Variants in PTPRN2 observed in about 807,000 individuals in gnomAD.
PTPRN2 encodes protein tyrosine phosphatase receptor type N2, also known as receptor-type tyrosine-protein phosphatase N2.
PTPRN2 carries 74 observed loss-of-function variants against 118.8 expected under a neutral mutation model. That is an observed-to-expected ratio of 0.62 (90% CI 0.52 to 0.76). The LOEUF is 0.76. Among genes scored for constraint, PTPRN2 ranks in the 30% least tolerant of loss-of-function variants. The pLI is 0.00. For missense variants in PTPRN2, 1,481 were observed against 1,394.4 expected, an observed-to-expected ratio of 1.06 and a Z score of -0.99; for synonymous variants, 641 against 608.0, an observed-to-expected ratio of 1.05 and a Z score of -0.80.
intron 11 of PTPRN2, among the ~76,000 whole-genome samples, chr7:158,046,931 A>G (rs773611804): frequency 2.6e-5 from 4 of 152,160 alleles, no homozygotes; most frequent in Admixed American, 1.3e-4. Context: ...ATCCATGCTT[A>G]TTTTTAATTT....
At chr7:157,862,154 C>T (rs556049895) in intron 12 of PTPRN2, among the ~76,000 whole-genome samples, 3 of 152,380 alleles carry the variant, frequency 2.0e-5, no homozygotes, top group East Asian at 1.9e-4. Flanking sequence ...TCCTTCCTGT[C>T]GCAGGGACAT....
rs917348216 is a variant in PTPRN2, at chr7:157,690,829, G to T, written c.1789-7892C>A. ...GCCCGCAGGCGCCGGAGCTCTGCGCGGCCGCTCGGCCCAGCTCCGCGTGCT... is the reference window on the plus strand; with the variant it reads ...GCCCGCAGGCGCCGGAGCTCTGCGCTGCCGCTCGGCCCAGCTCCGCGTGCT... On this transcript the variant is annotated intron_variant, in intron 12 of 22. Coordinates refer to ENST00000389418, the MANE Select transcript of PTPRN2 (RefSeq NM_002847.5). This position sits in a 1 kb window ranked among gnomAD's most constrained non-coding sequence, Gnocchi z 7.1. Among the ~76,000 whole-genome samples the T allele has an allele frequency of 3.4e-5, 5 of 148,450 alleles. No homozygotes were observed. The highest frequency in any genetic ancestry group is 9.7e-5 in the African/African-American group (4 of 41,054).
chr7:158,154,179 A>G lies in PTPRN2; in HGVS notation c.910+12752T>C, dbSNP rs544493258. ...AACCCTAAAAGATTCACTGCCTTCC[A>G]GAAAAGGCAGCGTAACGCAGAGACA... is the stretch of plus-strand genomic sequence containing the variant. On this transcript the variant is annotated intron_variant, in intron 6 of 22. Coordinates refer to ENST00000389418, the MANE Select transcript of PTPRN2 (RefSeq NM_002847.5). Among the ~76,000 whole-genome samples, 6 of 152,216 alleles carry G rather than the reference A, an allele frequency of 3.9e-5. No homozygotes were observed. In the South Asian group the frequency reaches 1.2e-3, roughly 32 times the overall value.
At chr7:158,238,321 C>T (rs1795674848) in intron 3 of PTPRN2, among the ~76,000 whole-genome samples, 1 of 152,074 alleles carries the variant, frequency 6.6e-6, no homozygotes, top group Non-Finnish European at 1.5e-5. Context: ...TCCCTCCTGC[C>T]CTGGGCCAAG....
intron 11 of PTPRN2, among the ~76,000 whole-genome samples, chr7:158,065,027 T>A (rs1810648852): frequency 6.6e-6 from 1 of 152,246 alleles, no homozygotes; most frequent in South Asian, 2.1e-4. Context: ...GGCAGAAAGA[T>A]GGTGCTGCGC....
intron 12 of PTPRN2, among the ~76,000 whole-genome samples, chr7:157,737,063 C>G (rs1046779844): frequency 1.6e-4 from 25 of 152,236 alleles, no homozygotes; most frequent in Admixed American, 9.8e-4. Context: ...AGAAATCACA[C>G]CAGGCGTCTT....
At chr7:158,315,268 TGAAGGA>T (rs1802214225) in intron 3 of PTPRN2, among the ~76,000 whole-genome samples, 1 of 101,850 alleles carries the variant, frequency 9.8e-6, no homozygotes, top group African/African-American at 3.8e-5. Context: ...CGGGACCCCC[TGAAGGA>T]CAGAGGTGAA....
rs142244706 is a variant in PTPRN2, at chr7:158,093,417, C to T, written c.1644-12040G>A. Among the ~76,000 whole-genome samples, 9 of 152,260 alleles carry T rather than the reference C, an allele frequency of 5.9e-5. No homozygotes were observed. The highest frequency in any genetic ancestry group is 7.3e-5 in the Non-Finnish European group (5 of 68,036). ...TCCTTTCCTGACTCTGTCGCTGGAC[C>T]GACCCCCACACTGTTTGTGCTTTTA... On this transcript the variant is annotated intron_variant, in intron 10 of 22. Coordinates refer to ENST00000389418, the MANE Select transcript of PTPRN2 (RefSeq NM_002847.5). This position sits in a 1 kb window ranked among gnomAD's most constrained non-coding sequence, Gnocchi z 4.4.
intron 21 of PTPRN2, among the ~76,000 whole-genome samples, chr7:157,549,620 C>G (rs1798496074): frequency 6.6e-6 from 1 of 152,234 alleles, no homozygotes; most frequent in African/African-American, 2.4e-5. Flanking sequence ...GCAGGTGATG[C>G]TGGCTGCACT....
intron 16 of PTPRN2, among the ~76,000 whole-genome samples, chr7:157,595,691 G>T (rs1328344992): frequency 6.6e-6 from 1 of 152,152 alleles, no homozygotes; most frequent in Non-Finnish European, 1.5e-5. Flanking sequence ...GAGCCTGGAG[G>T]TTAGGAAGCC....
chr7:158,392,667 A>C (rs1812030458), intron 2 of PTPRN2, among the ~76,000 whole-genome samples: 1 of 152,144 alleles, frequency 6.6e-6, no homozygotes, highest in Non-Finnish European at 1.5e-5. Context: ...AATGTGTTTC[A>C]CCAACTGCGA....
At chr7:158,342,343 T>C (rs201276842) in intron 2 of PTPRN2, among the ~76,000 whole-genome samples, 32,415 of 68,154 alleles carry the variant, frequency 0.48, 4,975 homozygotes, top group South Asian at 0.58. Flanking sequence ...AGCTGACACC[T>C]GCAGACGTCA....
chr7:158,050,172 T>C (rs1309811954), intron 11 of PTPRN2, among the ~76,000 whole-genome samples: 2 of 152,256 alleles, frequency 1.3e-5, no homozygotes, highest in Non-Finnish European at 2.9e-5. Context: ...GGTTACTGTT[T>C]AAAACACTGT....
chr7:158,163,660 A>G (rs929172541), intron 6 of PTPRN2, among the ~76,000 whole-genome samples: 129 of 45,296 alleles, frequency 2.8e-3, no homozygotes, highest in East Asian at 0.011. Context: ...GCCCGTATGA[A>G]GTTCTCAATT....
At chr7:157,715,466 G>A (rs895744063) in intron 12 of PTPRN2, among the ~76,000 whole-genome samples, 6 of 152,324 alleles carry the variant, frequency 3.9e-5, no homozygotes, top group East Asian at 3.9e-4. Context: ...GGAGGCCCCC[G>A]GTTCTGCTTG....
rs967587715 is a variant in PTPRN2 at position 157,787,494 on chromosome 7, G to C, written c.1789-104557C>G. Reference sequence around the variant, plus strand: ...CCCCAGTGGGCAGGGCGGGCAGGGGGCTTCCCCACAGTCTAGGGGGCCAGG... The same window carrying C: ...CCCCAGTGGGCAGGGCGGGCAGGGGCCTTCCCCACAGTCTAGGGGGCCAGG... On this transcript the variant is annotated intron_variant, in intron 12 of 22. Transcript: ENST00000389418. The surrounding 1 kb of genome is among the most constrained non-coding windows in gnomAD (Gnocchi z 5.3). Among the ~76,000 whole-genome samples the C allele has an allele frequency of 1.3e-5, 2 of 152,118 alleles. No homozygotes were observed. The highest frequency in any genetic ancestry group is 4.8e-5 in the African/African-American group (2 of 41,446).
At chr7:158,258,483 G>A (rs1563048995) in intron 3 of PTPRN2, among the ~76,000 whole-genome samples, 1 of 152,194 alleles carries the variant, frequency 6.6e-6, no homozygotes, top group Non-Finnish European at 1.5e-5. Context: ...ATGTGCATGT[G>A]CTTCTCCACG....
At chr7:158,170,980 C>CATAT (rs767318502) in intron 5 of PTPRN2, among the ~76,000 whole-genome samples, 18 of 146,844 alleles carry the variant, frequency 1.2e-4, no homozygotes, top group African/African-American at 4.3e-4. Flanking sequence ...TATATACATA[C>CATAT]ATATATATAT....
At chr7:157,781,980 C>G (rs1385156377) in intron 12 of PTPRN2, among the ~76,000 whole-genome samples, 1 of 152,238 alleles carries the variant, frequency 6.6e-6, no homozygotes, top group East Asian at 1.9e-4. Flanking sequence ...TTTCAGCCAC[C>G]ACTGTCCTCC....
Sources: allele counts gnomAD v4.1 joint callset (sites outside exome capture counted in the v4.1 genomes callset), GRCh38; gene constraint gnomAD v4.1.1; non-coding constraint Gnocchi (gnomAD v3.1); transcripts MANE v1.5; gene names NCBI Gene and HGNC (gene_info 2026-07-23, HGNC 2026-07-21).